Variants in PDE4B observed in about 807,000 individuals in gnomAD.
PDE4B encodes the protein phosphodiesterase 4B.
PDE4B carries 20 observed loss-of-function variants against 82.2 expected under a neutral mutation model. That is an observed-to-expected ratio of 0.24 (90% CI 0.17 to 0.35). The LOEUF (loss-of-function observed/expected upper bound fraction) is 0.35, where lower values mean the gene tolerates loss of function less well. Among genes scored for constraint, PDE4B ranks in the 10% least tolerant of loss-of-function variants. PDE4B has a pLI of 1.00. For missense variants in PDE4B, 655 were observed against 907.2 expected (o/e 0.72, Z 3.57); for synonymous variants, 320 against 318.9 (o/e 1.00, Z -0.04).
At chr1:66,009,306 G>A (rs917426770) in intron 3 of PDE4B, among the ~76,000 whole-genome samples, 5 of 152,232 alleles carry the variant, frequency 3.3e-5, no homozygotes, top group Middle Eastern at 3.4e-3. Context: ...ACCAGCTGTC[G>A]CTGTTCTGAT....
At chr1:66,094,242 T>C (rs1372385261) in intron 3 of PDE4B, among the ~76,000 whole-genome samples, 2 of 151,968 alleles carry the variant, frequency 1.3e-5, no homozygotes, top group Admixed American at 6.6e-5. Context: ...TACAGCATGC[T>C]TGGTAGGTTG....
chr1:66,210,086 C>G (rs1050696257), intron 3 of PDE4B, among the ~76,000 whole-genome samples: 3 of 152,144 alleles, frequency 2.0e-5, no homozygotes, highest in African/African-American at 7.2e-5. Context: ...CATACAAGAA[C>G]TCTAGGAATA....
intron 1 of PDE4B, among the ~76,000 whole-genome samples, chr1:65,869,527 ATTAC>A (rs1158953316): frequency 6.6e-6 from 1 of 152,234 alleles, no homozygotes; most frequent in Non-Finnish European, 1.5e-5. Context: ...CACAGAAAGA[ATTAC>A]TTTGTGAACT....
At chr1:66,185,477 T>C (rs1163884117) in intron 3 of PDE4B, among the ~76,000 whole-genome samples, 1 of 152,052 alleles carries the variant, frequency 6.6e-6, no homozygotes, top group Non-Finnish European at 1.5e-5. Flanking sequence ...AGTGTTCCTA[T>C]TTCTCCACAT....
In PDE4B at chr1:66,277,449, G is replaced by T. The variant is rs183017650; in HGVS notation, c.634+11362G>T. ...CTTGCTCTGTTGTCCAGGCTGGAGTGCAGTGGCACGATCTCAGCTCACCAC... is the reference window on the plus strand; with the variant it reads ...CTTGCTCTGTTGTCCAGGCTGGAGTTCAGTGGCACGATCTCAGCTCACCAC... On this transcript the variant is annotated intron_variant, in intron 7 of 16. Coordinates refer to ENST00000341517, the MANE Select transcript of PDE4B (RefSeq NM_002600.4). Among the ~76,000 whole-genome samples the T allele has an allele frequency of 3.3e-5, 5 of 152,228 alleles. No individual in the cohort carries two copies. The East Asian group carries it at 7.7e-4, about 24-fold the overall frequency.
chr1:66,247,852 A>T (rs1653444500), intron 4 of PDE4B, among the ~76,000 whole-genome samples, 198 bp downstream of exon 4: 1 of 152,254 alleles, frequency 6.6e-6, no homozygotes, highest in Non-Finnish European at 1.5e-5. Context: ...GGGGTCTCCA[A>T]GGGTTTTGGA....
Position 66,363,523 on chromosome 1 carries a change from T to A in PDE4B, c.1236T>A (p.Ala412=). Residue 412 remains alanine, a synonymous_variant, in exon 12 of 17, where the codon GCT becomes GCA. Transcript: ENST00000341517. ...CATATCACAACAGCCTGCACGCTGCTGATGTAGCCCAGTCGACCCATGTTC... is the reference window on the plus strand; with the variant it reads ...CATATCACAACAGCCTGCACGCTGCAGATGTAGCCCAGTCGACCCATGTTC... ...DVAYHNSLHA[A]DVAQSTHVLL... 6.2e-7 allele frequency: 1 copy of A among 1,613,852 alleles called. No individual in the cohort carries two copies. Among genetic ancestry groups the A allele is most frequent in the South Asian group, 1.1e-5 (1 of 91,072 alleles).
chr1:66,096,522 A>ATATATATG (rs1200070591), intron 3 of PDE4B, among the ~76,000 whole-genome samples: 6 of 138,502 alleles, frequency 4.3e-5, no homozygotes, highest in Middle Eastern at 3.4e-3. Flanking sequence ...ATATATATAT[A>ATATATATG]TATATATATA....
intron 1 of PDE4B, among the ~76,000 whole-genome samples, chr1:65,885,277 C>T (rs150452745): frequency 0.015 from 2,267 of 152,226 alleles, 71 homozygotes; most frequent in African/African-American, 0.053. Context: ...TGTAAACTAG[C>T]TCAACCATTG....
At chr1:65,841,550 G>C (rs1646207895) in intron 1 of PDE4B, among the ~76,000 whole-genome samples, 1 of 152,058 alleles carries the variant, frequency 6.6e-6, no homozygotes. Flanking sequence ...CCAAAAACGG[G>C]TTATGAACCA....
At chr1:65,913,668 A>G (rs1044841511) in intron 2 of PDE4B, among the ~76,000 whole-genome samples, 1 of 152,164 alleles carries the variant, frequency 6.6e-6, no homozygotes, top group Non-Finnish European at 1.5e-5. Context: ...CATTATCATC[A>G]GTTCTCTGAT....
At chr1:65,926,859 A>T (rs1243639188) in intron 3 of PDE4B, among the ~76,000 whole-genome samples, 1 of 152,126 alleles carries the variant, frequency 6.6e-6, no homozygotes, top group East Asian at 1.9e-4. Flanking sequence ...AAAATCTCTA[A>T]AGAAATCAAA....
At chr1:66,107,518 A>C (rs1645390464) in intron 3 of PDE4B, among the ~76,000 whole-genome samples, 2 of 115,224 alleles carry the variant, frequency 1.7e-5, no homozygotes, top group Non-Finnish European at 4.1e-5. Context: ...AAACAAAACA[A>C]ACAAAAAAAA....
intron 3 of PDE4B, among the ~76,000 whole-genome samples, chr1:66,162,072 G>C (rs1646624811): frequency 6.6e-6 from 1 of 151,814 alleles, no homozygotes; most frequent in African/African-American, 2.4e-5. Flanking sequence ...TTTAATTCAA[G>C]TGCTCTTGAT....
intron 7 of PDE4B, among the ~76,000 whole-genome samples, chr1:66,293,574 C>G (rs1172697048): frequency 6.6e-6 from 1 of 152,112 alleles, no homozygotes; most frequent in Non-Finnish European, 1.5e-5. Context: ...GGGATTTGGG[C>G]TTCATCAGTG....
intron 3 of PDE4B, among the ~76,000 whole-genome samples, chr1:66,175,653 C>T (rs1322471129): frequency 6.6e-6 from 1 of 152,192 alleles, no homozygotes. Flanking sequence ...TGAGCCTTAG[C>T]ACGTGCAGTG....
intron 3 of PDE4B, among the ~76,000 whole-genome samples, chr1:66,034,903 G>A (rs137877651): frequency 1.8e-4 from 27 of 152,208 alleles, no homozygotes; most frequent in African/African-American, 5.8e-4. Flanking sequence ...TCTGCTCCCC[G>A]AGTCCTTGAT....
chr1:65,858,935 C>A (rs952019601), intron 1 of PDE4B, among the ~76,000 whole-genome samples: 1 of 152,024 alleles, frequency 6.6e-6, no homozygotes, highest in East Asian at 1.9e-4. Flanking sequence ...GAAGAGGGAG[C>A]CCTTTACTTC....
intron 8 of PDE4B, among the ~76,000 whole-genome samples, chr1:66,338,319 C>A (rs888862874): frequency 1.3e-5 from 2 of 152,160 alleles, no homozygotes; most frequent in Non-Finnish European, 2.9e-5. Context: ...TTTAATAATT[C>A]TTCTAAGGGG....
Sources: gnomAD v4.1 joint callset for allele counts (sites outside exome capture counted in the v4.1 genomes callset) on GRCh38, gnomAD v4.1.1 for gene constraint, MANE v1.5 for transcripts, NCBI Gene and HGNC (gene_info 2026-07-23, HGNC 2026-07-21) for gene names.